The following PLAGL1 variants were observed in gnomAD, a reference collection of about 807,000 sequenced individuals.
PLAGL1 encodes the protein zinc finger protein PLAGL1.
A neutral mutation model predicts 4.6 loss-of-function variants in PLAGL1; 1 was observed. The observed-to-expected ratio is 0.22, with a 90% confidence interval of 0.08 to 1.03. PLAGL1 has a LOEUF of 1.03. Among genes scored for constraint, PLAGL1 ranks in the 50% least tolerant of loss-of-function variants. PLAGL1 has a pLI of 0.58. For synonymous variants in PLAGL1, 240 were observed against 237.8 expected (o/e 1.01, Z -0.08); for missense variants, 464 against 570.4 (o/e 0.81, Z 1.90).
intron 1 of PLAGL1, among the ~76,000 whole-genome samples, chr6:144,014,201 C>A (rs868062907): frequency 6.6e-6 from 1 of 152,032 alleles, no homozygotes. Flanking sequence ...GAGGCCGAGG[C>A]GGGCAGATCA....
chr6:144,047,338 A>G (rs1798242196), intron 1 of PLAGL1, among the ~76,000 whole-genome samples: 1 of 152,162 alleles, frequency 6.6e-6, no homozygotes, highest in African/African-American at 2.4e-5. Flanking sequence ...GGAGCGGACC[A>G]TTATTCCAAC....
chr6:143,946,250 G>A, intron 7 of PLAGL1, among the ~76,000 whole-genome samples: 1 of 152,190 alleles, frequency 6.6e-6, no homozygotes, highest in East Asian at 1.9e-4. Flanking sequence ...TGTTGTTCAA[G>A]GGTCAACTGT....
At chr6:144,058,079 T>C (rs1799120053) in intron 1 of PLAGL1, among the ~76,000 whole-genome samples, 1 of 152,198 alleles carries the variant, frequency 6.6e-6, no homozygotes, top group South Asian at 2.1e-4. Flanking sequence ...CTGGTTAATT[T>C]ACAAAGAAAA....
chr6:143,971,575 G>T lies in PLAGL1; in HGVS notation c.-543-2597C>A, dbSNP rs147916963. ...TAAGTTGAGAATAGCTAAGAAATTG[G>T]GTTTGTCCCAGTGTTCTGTGAAATC... On this transcript the variant is annotated intron_variant, in intron 2 of 7. Transcript: ENST00000674357. The surrounding 1 kb of genome is among the most constrained non-coding windows in gnomAD (Gnocchi z 4.7). 0.011 allele frequency among the ~76,000 whole-genome samples: 1,610 copies of T among 152,258 alleles called. 9 individuals carry two copies. Among genetic ancestry groups the T allele is most frequent in the Middle Eastern group, 0.044 (13 of 294 alleles).
rs1787293736 is a variant in PLAGL1 at position 143,978,954 on chromosome 6, T to A, written c.-544+6181A>T. 1.3e-5 allele frequency among the ~76,000 whole-genome samples: 2 copies of A among 152,210 alleles called. No individual in the cohort carries two copies. The highest frequency in any genetic ancestry group is 4.8e-5 in the African/African-American group (2 of 41,470). ...TTTGTCTATTTCTTCCCATGTATAC[T>A]GAAATTATTTTACTAGGTGCATAAA... On this transcript the variant is annotated intron_variant, in intron 2 of 7. Coordinates refer to ENST00000674357, the MANE Select transcript of PLAGL1 (RefSeq NM_001317162.2). The surrounding 1 kb of genome is among the most constrained non-coding windows in gnomAD (Gnocchi z 4.6).
In PLAGL1 at chr6:144,053,760, C is replaced by T. The variant is rs759492661; in HGVS notation, c.-151+10708G>A. Among the ~76,000 whole-genome samples the T allele has an allele frequency of 2.0e-5, 3 of 152,162 alleles. No individual in the cohort carries two copies. Among genetic ancestry groups the T allele is most frequent in the Non-Finnish European group, 4.4e-5 (3 of 68,018 alleles). ...ACTATGTCAGGCCAGTTACTGATCA[C>T]GGTATTCTTGCCCAGTGAACATAGT... On this transcript the variant is annotated intron_variant, in intron 1 of 3. Transcript: ENST00000437412. The surrounding 1 kb of genome is among the most constrained non-coding windows in gnomAD (Gnocchi z 4.0).
At position 143,942,707 on chromosome 6, in the gene PLAGL1, G is replaced by A. The variant is rs768203697; in HGVS notation, c.153-44C>T. On this transcript the variant is annotated intron_variant, in intron 7 of 7. Transcript: ENST00000674357. This position sits in a 1 kb window ranked among gnomAD's most constrained non-coding sequence, Gnocchi z 7.6. ...ATTTCACAATAGAGAGTTGTTTTAA[G>A]AGCTGAAGAAAGGTGTAGCAACAAT... 6.8e-7 allele frequency: 1 copy of A among 1,468,006 alleles called. No individual in the cohort carries two copies. The highest frequency in any genetic ancestry group is 9.3e-7 in the Non-Finnish European group (1 of 1,070,548). 90.9% of individuals were successfully genotyped at this position (1,468,006 alleles called of 1,614,324 possible).
intron 1 of PLAGL1, among the ~76,000 whole-genome samples, chr6:144,032,378 C>T (rs142272437): frequency 2.4e-4 from 36 of 151,836 alleles, no homozygotes; most frequent in Admixed American, 5.9e-4. Context: ...CCCACCTCAG[C>T]CCCACAAAGT....
rs67928472 is a variant in PLAGL1, at chr6:144,027,234, C to CGAAAGAAA, written c.-151+37226_-151+37233dup. Reference sequence around the variant, plus strand: ...GAAAGACCCCAACTCAAAGAACGAACGAAAGAAAGAAAGAAAGAAAGAAAG... The same window carrying CGAAAGAAA: ...GAAAGACCCCAACTCAAAGAACGAACGAAAGAAAGAAAGAAAGAAAGAAAGAAAGAAAG... On this transcript the variant is annotated intron_variant, in intron 1 of 3. Transcript: ENST00000437412. The surrounding 1 kb of genome is among the most constrained non-coding windows in gnomAD (Gnocchi z 5.8). 0.042 allele frequency among the ~76,000 whole-genome samples: 4,659 copies of CGAAAGAAA among 111,350 alleles called. 140 individuals carry two copies. Among genetic ancestry groups the CGAAAGAAA allele is most frequent in the East Asian group, 0.058 (242 of 4,200 alleles). The allele number at this position is 111,350 out of a possible 152,430, so 73.0% of individuals were successfully genotyped here.
intron 1 of PLAGL1, among the ~76,000 whole-genome samples, chr6:144,019,467 C>G (rs59704778): frequency 6.6e-6 from 1 of 151,600 alleles, no homozygotes; most frequent in East Asian, 1.9e-4. Flanking sequence ...GGGAGACTCT[C>G]TTGAGGAAAA....
chr6:143,940,472 A>C lies in PLAGL1; in HGVS notation c.*952T>G, dbSNP rs1335449805. The C allele has an allele frequency of 6.6e-6, 1 of 152,272 alleles. No homozygotes were observed. The allele number at this position is 152,272 out of a possible 1,614,324, so 9.4% of individuals were successfully genotyped here. A position where few individuals can be genotyped will look rare whatever the true frequency, so the allele number is the denominator to read the frequency against. The stretch of plus-strand genomic sequence containing the variant: ...CATTGTAAAACGTAATCTTCTTTTA[A>C]TAAAAGCTAATAATGACTGATGAAT... On this transcript the variant is annotated 3_prime_UTR_variant, in exon 8 of 8. Coordinates refer to ENST00000674357, the MANE Select transcript of PLAGL1 (RefSeq NM_001317162.2).
chr6:144,058,762 A>G (rs1207089136), intron 1 of PLAGL1, among the ~76,000 whole-genome samples: 1 of 152,074 alleles, frequency 6.6e-6, no homozygotes, highest in Non-Finnish European at 1.5e-5. Flanking sequence ...ATCTTTTTTG[A>G]CTCCATGTCC....
rs551252546 is a variant in PLAGL1, at chr6:143,954,485, A to C, written c.-325+5984T>G. ...GTCAAACTTGCAAGGGGAACACTTGAGAACCCAGAGAGCATCTGAGAGTCA... is the reference window on the plus strand; with the variant it reads ...GTCAAACTTGCAAGGGGAACACTTGCGAACCCAGAGAGCATCTGAGAGTCA... On this transcript the variant is annotated intron_variant, in intron 6 of 7. Coordinates refer to ENST00000674357, the MANE Select transcript of PLAGL1 (RefSeq NM_001317162.2). The surrounding 1 kb of genome is among the most constrained non-coding windows in gnomAD (Gnocchi z 5.1). Among the ~76,000 whole-genome samples the C allele has an allele frequency of 2.4e-4, 36 of 152,356 alleles. No homozygotes were observed. Among genetic ancestry groups the C allele is most frequent in the African/African-American group, 8.4e-4 (35 of 41,590 alleles).
chr6:144,018,241 C>A (rs1057124982), intron 1 of PLAGL1, among the ~76,000 whole-genome samples: 1 of 152,048 alleles, frequency 6.6e-6, no homozygotes, highest in Non-Finnish European at 1.5e-5. Context: ...CATGCATGAG[C>A]CTGGAGGACA....
Position 144,023,768 on chromosome 6 carries a change from C to CTTTTTTT in PLAGL1, c.-151+40693_-151+40699dup, listed in dbSNP as rs34002736. ...GACATCATTATGAACTCATATTTAG[C>CTTTTTTT]TTTTTTTTTTTTTTTTTTTTTTTTT... On this transcript the variant is annotated intron_variant, in intron 1 of 3. Coordinates refer to the PLAGL1 transcript ENST00000437412. 2.3e-3 allele frequency among the ~76,000 whole-genome samples: 166 copies of CTTTTTTT among 72,652 alleles called. 6 individuals carry two copies. Among genetic ancestry groups the CTTTTTTT allele is most frequent in the African/African-American group, 8.9e-3 (161 of 18,074 alleles). The allele number at this position is 72,652 out of a possible 152,430, so 47.7% of individuals were successfully genotyped here.
intron 1 of PLAGL1, among the ~76,000 whole-genome samples, chr6:143,991,819 G>T (rs1282528794): frequency 1.3e-5 from 2 of 152,210 alleles, no homozygotes; most frequent in Non-Finnish European, 2.9e-5. Flanking sequence ...GGCAGACTGT[G>T]CCCTGTTATA....
intron 1 of PLAGL1, chr6:144,037,357 A>G (rs888440951): frequency 2.6e-5 from 4 of 151,636 alleles, no homozygotes; most frequent in Non-Finnish European, 5.9e-5. Flanking sequence ...GTGGGACAAT[A>G]ACTTGACCCC....
At chr6:144,003,952 C>T (rs930889252) in intron 1 of PLAGL1, among the ~76,000 whole-genome samples, 1 of 152,208 alleles carries the variant, frequency 6.6e-6, no homozygotes, top group Non-Finnish European at 1.5e-5. Flanking sequence ...ACATTCCTCA[C>T]AATTCAATTC....
At chr6:143,996,961 A>G (rs1469249946) in intron 1 of PLAGL1, among the ~76,000 whole-genome samples, 1 of 152,190 alleles carries the variant, frequency 6.6e-6, no homozygotes, top group Non-Finnish European at 1.5e-5. Context: ...GGGATAGACA[A>G]AGATTTCTTA....
Sources: allele counts gnomAD v4.1 joint callset (sites outside exome capture counted in the v4.1 genomes callset), GRCh38; gene constraint gnomAD v4.1.1; non-coding constraint Gnocchi (gnomAD v3.1); transcripts MANE v1.5; gene names NCBI Gene and HGNC (gene_info 2026-07-23, HGNC 2026-07-21).